The following CSNK2A2 variants were observed in gnomAD, a reference collection of about 807,000 sequenced individuals.
CSNK2A2 encodes casein kinase II subunit alpha'.
In CSNK2A2, 8 loss-of-function variants were observed where a neutral mutation model predicts 54.0. The observed-to-expected ratio is 0.15, with a 90% CI of 0.09 to 0.27. The LOEUF is 0.27. Among genes scored for constraint, CSNK2A2 ranks in the 10% least tolerant of loss-of-function variants. The probability of loss-of-function intolerance (pLI) is 1.00; values close to 1 mark genes in which losing one functional copy is unlikely to be tolerated. For synonymous variants in CSNK2A2, 141 were observed against 153.9 expected (o/e 0.92, Z 0.62); for missense variants, 242 against 439.4 (o/e 0.55, Z 4.02).
chr16:58,166,780 A>G, intron 8 of CSNK2A2, 96 bp from the exon 9 acceptor site: 1 of 839,114 alleles, frequency 1.2e-6, no homozygotes, highest in Non-Finnish European at 2.0e-6. Flanking sequence ...CTTCCACACC[A>G]CTAAACCTCT....
In CSNK2A2 at chr16:58,168,842, C is replaced by CTTCA. The variant is rs926916677; in HGVS notation, c.430-153_430-150dup. 6 of 613,238 alleles carry CTTCA rather than the reference C, an allele frequency of 9.8e-6. No individual in the cohort carries two copies. In the African/African-American group the frequency reaches 1.1e-4, roughly 11 times the overall value. The allele number at this position is 613,238 out of a possible 1,614,324, so 38.0% of individuals were successfully genotyped here. A position where few individuals can be genotyped will look rare whatever the true frequency, so the allele number is the denominator to read the frequency against. ...TGTAATGAAAGAGAAAAAAAGCGTG[C>CTTCA]TTCAGAAGGCACCCCTTGCTCTCTC... is the stretch of plus-strand genomic sequence containing the variant. On this transcript the variant is annotated intron_variant, in intron 5 of 11. Coordinates refer to ENST00000262506, the MANE Select transcript of CSNK2A2 (RefSeq NM_001896.4).
chr16:58,194,362 T>C (rs1962381972), intron 2 of CSNK2A2, among the ~76,000 whole-genome samples: 2 of 152,176 alleles, frequency 1.3e-5, no homozygotes, highest in African/African-American at 4.8e-5. Flanking sequence ...TTTTAAAAAG[T>C]AATACTTTTA....
intron 5 of CSNK2A2, 123 bp downstream of exon 5, chr16:58,174,328 A>G (rs1004633252): frequency 1.3e-5 from 9 of 679,582 alleles, no homozygotes; most frequent in Non-Finnish European, 1.7e-5. Context: ...TATAAGTTTA[A>G]AAACTTCACT....
chr16:58,158,797 A>G (rs1239789485), intron 11 of CSNK2A2: 5 of 152,192 alleles, frequency 3.3e-5, no homozygotes, highest in South Asian at 4.1e-4. Context: ...TTTACTCAGA[A>G]AAAGGGCTGA....
At chr16:58,186,336 T>C (rs1962192400) in intron 3 of CSNK2A2, among the ~76,000 whole-genome samples, 1 of 152,232 alleles carries the variant, frequency 6.6e-6, no homozygotes, top group Non-Finnish European at 1.5e-5. Context: ...CTCAGGCCTT[T>C]ATGCCAGGTG....
At chr16:58,183,859 T>G (rs1214140208) in intron 4 of CSNK2A2, among the ~76,000 whole-genome samples, 1 of 152,222 alleles carries the variant, frequency 6.6e-6, no homozygotes, top group African/African-American at 2.4e-5. Context: ...ACTTTGTTAT[T>G]TGACAGCACT....
At chr16:58,194,756 A>T (rs1453361575) in intron 2 of CSNK2A2, among the ~76,000 whole-genome samples, 3 of 152,240 alleles carry the variant, frequency 2.0e-5, no homozygotes, top group South Asian at 2.1e-4. Flanking sequence ...CCATTTGTAA[A>T]GATAACCTGC....
intron 4 of CSNK2A2, among the ~76,000 whole-genome samples, chr16:58,180,469 C>G (rs186152785): frequency 4.6e-5 from 7 of 151,236 alleles, no homozygotes; most frequent in Non-Finnish European, 1.5e-5. Flanking sequence ...ATATATTATC[C>G]AAATAGACTC....
intron 5 of CSNK2A2, among the ~76,000 whole-genome samples, chr16:58,170,304 T>C (rs1048663436): frequency 5.3e-5 from 8 of 152,080 alleles, no homozygotes; most frequent in Non-Finnish European, 7.4e-5. Context: ...TTTGCTGGTA[T>C]AGATTTGCCT....
At chr16:58,177,404 G>A (rs1160306707) in intron 4 of CSNK2A2, among the ~76,000 whole-genome samples, 2 of 152,182 alleles carry the variant, frequency 1.3e-5, no homozygotes, top group Non-Finnish European at 2.9e-5. Context: ...GACTTAAAAG[G>A]TGGAAATTTC....
chr16:58,162,361 T>C (rs997314061), intron 11 of CSNK2A2: 2 of 152,238 alleles, frequency 1.3e-5, no homozygotes, highest in African/African-American at 2.4e-5. Flanking sequence ...GCAGGCAGCA[T>C]TGGTATGAGA....
chr16:58,159,407 A>G (rs1026331911), intron 11 of CSNK2A2: 3 of 151,964 alleles, frequency 2.0e-5, no homozygotes, highest in East Asian at 1.9e-4. Flanking sequence ...AAAACGGAAC[A>G]CTCCCAACAG....
chr16:58,182,508 T>C (rs1464406408), intron 4 of CSNK2A2, among the ~76,000 whole-genome samples: 9 of 146,796 alleles, frequency 6.1e-5, no homozygotes, highest in Non-Finnish European at 1.3e-4. Flanking sequence ...TGAGCCGAGA[T>C]TGCGCTATTG....
chr16:58,188,830 G>A (rs1294423869), intron 2 of CSNK2A2, among the ~76,000 whole-genome samples: 1 of 152,090 alleles, frequency 6.6e-6, no homozygotes, highest in Admixed American at 6.5e-5. Flanking sequence ...GTATATGAGA[G>A]AGAAAGAGAA....
chr16:58,186,467 TG>T (rs1248011416), intron 3 of CSNK2A2, among the ~76,000 whole-genome samples: 2 of 152,220 alleles, frequency 1.3e-5, no homozygotes, highest in Non-Finnish European at 2.9e-5. Flanking sequence ...GGAAAGAGGC[TG>T]GGGCTTAAAG....
intron 11 of CSNK2A2, among the ~76,000 whole-genome samples, chr16:58,159,375 G>A (rs556745381): frequency 1.2e-3 from 183 of 152,272 alleles, no homozygotes; most frequent in Non-Finnish European, 2.2e-3. Context: ...TCTGAGTGGC[G>A]CGACTCAGAA....
Position 58,164,043 on chromosome 16 carries a change from T to C in CSNK2A2, c.*17+11A>G, listed in dbSNP as rs1434936415. On this transcript the variant is annotated intron_variant, in intron 11 of 11. Transcript: ENST00000262506. ...GGTTGGTTTTATTGGCAAGCATCAA[T>C]GCCGCATTACCCGTCGCTTTCCAGT... The C allele has an allele frequency of 3.1e-6, 5 of 1,601,106 alleles. No homozygotes were observed. Among genetic ancestry groups the C allele is most frequent in the Non-Finnish European group, 3.4e-6 (4 of 1,170,378 alleles).
At chr16:58,166,751 G>T in intron 8 of CSNK2A2, 67 bp from the exon 9 acceptor site, 1 of 1,121,324 alleles carries the variant, frequency 8.9e-7, no homozygotes, top group Non-Finnish European at 1.4e-6. Context: ...TGAGGACACT[G>T]CACCAAGGAA....
chr16:58,191,094 T>C (rs1422524900), intron 2 of CSNK2A2, among the ~76,000 whole-genome samples: 1 of 152,212 alleles, frequency 6.6e-6, no homozygotes, highest in Non-Finnish European at 1.5e-5. Flanking sequence ...TGGAGGACAT[T>C]ATGCTGTGCA....
Sources: allele counts gnomAD v4.1 joint callset (sites outside exome capture counted in the v4.1 genomes callset), GRCh38; gene constraint gnomAD v4.1.1; transcripts MANE v1.5; gene names NCBI Gene and HGNC (gene_info 2026-07-23, HGNC 2026-07-21).